The following MAN1A2 variants were observed in gnomAD, a reference collection of about 807,000 sequenced individuals.
MAN1A2 encodes mannosidase alpha class 1A member 2.
Under a neutral mutation model 75.7 loss-of-function variants are expected in MAN1A2, and 26 were observed. That is an observed-to-expected ratio of 0.34 (90% CI 0.25 to 0.48). The LOEUF (loss-of-function observed/expected upper bound fraction) is 0.48. Ranked by LOEUF, MAN1A2 falls within the 20% of genes least tolerant of loss-of-function variation. MAN1A2 has a pLI of 0.99. For missense variants in MAN1A2, 562 were observed against 775.5 expected (o/e 0.72, Z 3.27); for synonymous variants, 247 against 264.6 (o/e 0.93, Z 0.65).
chr1:117,420,956 A>G (rs1648166956), intron 5 of MAN1A2, among the ~76,000 whole-genome samples: 1 of 152,102 alleles, frequency 6.6e-6, no homozygotes, highest in African/African-American at 2.4e-5. Flanking sequence ...GGGAAAATAA[A>G]CTAATAAGGA....
At chr1:117,458,506 T>TAGATAG (rs570600901) in intron 6 of MAN1A2, among the ~76,000 whole-genome samples, 2 of 100,828 alleles carry the variant, frequency 2.0e-5, no homozygotes, top group African/African-American at 7.9e-5. Context: ...TCTATATATA[T>TAGATAG]ATATAGATAT....
At chr1:117,420,241 A>C (rs1254225696) in intron 4 of MAN1A2, among the ~76,000 whole-genome samples, 2 of 152,040 alleles carry the variant, frequency 1.3e-5, no homozygotes, top group African/African-American at 4.8e-5. Flanking sequence ...TAGAATCATG[A>C]CCCAGAATTC....
At chr1:117,376,396 G>A (rs1315525219) in intron 1 of MAN1A2, among the ~76,000 whole-genome samples, 1 of 152,244 alleles carries the variant, frequency 6.6e-6, no homozygotes, top group Non-Finnish European at 1.5e-5. Context: ...TCACCCATGT[G>A]AGTGTGTGCT....
rs774068105 is a variant in MAN1A2 at position 117,460,600 on chromosome 1, T to G, written c.1062T>G (p.Thr354=). ...TCAGCTACTTGACAGGGGACCTGAC[T>G]TACTACAAAAAGGTTTGTTTTCTTG... The part of the protein sequence containing the change: ...IHLSYLTGDL[T]YYKKVMHIRK... Residue 354 remains threonine, a synonymous_variant, in exon 7 of 13, where the codon ACT becomes ACG. Coordinates refer to ENST00000356554, the MANE Select transcript of MAN1A2 (RefSeq NM_006699.5). The G allele has an allele frequency of 8.1e-6, 13 of 1,603,820 alleles. No individual in the cohort carries two copies. Among genetic ancestry groups the G allele is most frequent in the Non-Finnish European group, 1.7e-6 (2 of 1,176,548 alleles).
intron 6 of MAN1A2, among the ~76,000 whole-genome samples, chr1:117,451,299 C>T (rs932416335): frequency 6.6e-6 from 1 of 152,204 alleles, no homozygotes; most frequent in Admixed American, 6.5e-5. Context: ...TTTGGAATGG[C>T]TGTATTTACC....
At chr1:117,492,212 GA>G (rs1044829976) in intron 8 of MAN1A2, among the ~76,000 whole-genome samples, 2 of 152,066 alleles carry the variant, frequency 1.3e-5, no homozygotes, top group Non-Finnish European at 2.9e-5. Context: ...AATCAAACAG[GA>G]AGAATCAATC....
chr1:117,408,527 T>C (rs987526673), intron 3 of MAN1A2, among the ~76,000 whole-genome samples: 1 of 152,056 alleles, frequency 6.6e-6, no homozygotes, highest in African/African-American at 2.4e-5. Flanking sequence ...ATTTCTGACT[T>C]AACTGTGATT....
intron 12 of MAN1A2, among the ~76,000 whole-genome samples, chr1:117,512,750 T>TACACACACACACACACACACACACAC (rs3050979): frequency 3.1e-4 from 45 of 143,850 alleles, no homozygotes; most frequent in Admixed American, 2.0e-3. Context: ...GGCACTGGGA[T>TACACACACACACACACACACACACAC]ACACACACAC....
chr1:117,467,663 G>A (rs1453866159), intron 8 of MAN1A2, among the ~76,000 whole-genome samples: 1 of 152,066 alleles, frequency 6.6e-6, no homozygotes, highest in African/African-American at 2.4e-5. Context: ...CCTGAGAGCT[G>A]CATTTCTAAA....
intron 6 of MAN1A2, among the ~76,000 whole-genome samples, chr1:117,450,248 C>A (rs1351669453): frequency 6.6e-6 from 1 of 152,184 alleles, no homozygotes; most frequent in Non-Finnish European, 1.5e-5. Context: ...AGCAAAGAGA[C>A]TGGTGGCATT....
At chr1:117,470,430 C>T (rs2101846910) in intron 8 of MAN1A2, among the ~76,000 whole-genome samples, 1 of 151,796 alleles carries the variant, frequency 6.6e-6, no homozygotes, top group South Asian at 2.1e-4. Flanking sequence ...ATAATTAATG[C>T]TGCTGAATGG....
At chr1:117,465,714 A>G (rs1649960110) in intron 7 of MAN1A2, among the ~76,000 whole-genome samples, 4 of 152,070 alleles carry the variant, frequency 2.6e-5, no homozygotes, top group Admixed American at 2.6e-4. Context: ...CACCTAATCT[A>G]TAGTTGAATC....
At chr1:117,431,252 A>T (rs1426411748) in intron 5 of MAN1A2, among the ~76,000 whole-genome samples, 5 of 141,102 alleles carry the variant, frequency 3.5e-5, no homozygotes, top group Non-Finnish European at 7.6e-5. Context: ...TCATAATGAA[A>T]AAAAGGATCC....
chr1:117,499,370 G>C lies in MAN1A2; in HGVS notation c.1505-12G>C. On this transcript the variant is annotated splice_polypyrimidine_tract_variant and intron_variant, in intron 10 of 12. Transcript: ENST00000356554. The stretch of plus-strand genomic sequence containing the variant: ...TTTATTTTGCTCAGTTATTTCTTTT[G>C]TCATGTTACAGCATTAAAGCTAGGT... 1 of 1,532,132 alleles carries C rather than the reference G, an allele frequency of 6.5e-7. No individual in the cohort carries two copies. Among genetic ancestry groups the C allele is most frequent in the Non-Finnish European group, 8.8e-7 (1 of 1,141,134 alleles). The allele number at this position is 1,532,132 out of a possible 1,614,324, so 94.9% of individuals were successfully genotyped here.
chr1:117,518,191 G>C (rs1651769868), intron 12 of MAN1A2, among the ~76,000 whole-genome samples: 1 of 151,822 alleles, frequency 6.6e-6, no homozygotes, highest in Non-Finnish European at 1.5e-5. Context: ...TAATTTAAAA[G>C]AACTCAAAAA....
intron 1 of MAN1A2, among the ~76,000 whole-genome samples, chr1:117,371,664 G>GCATCACTAAGAAAT (rs1365653841): frequency 1.4e-4 from 21 of 152,292 alleles, no homozygotes; most frequent in South Asian, 8.3e-4. Flanking sequence ...GTTAAGTATG[G>GCATCACTAAGAAAT]CTGTTGCAGA....
intron 11 of MAN1A2, among the ~76,000 whole-genome samples, chr1:117,500,888 A>G (rs1014535966): frequency 6.6e-6 from 1 of 151,828 alleles, no homozygotes; most frequent in African/African-American, 2.4e-5. Flanking sequence ...CCGTAAATTA[A>G]GCACTCTTTC....
chr1:117,402,497 A>AT, intron 2 of MAN1A2, 56 bp downstream of exon 2: 2 of 1,445,858 alleles, frequency 1.4e-6, no homozygotes, highest in Non-Finnish European at 9.4e-7. Flanking sequence ...TTGGATACAA[A>AT]CAAATATATA....
chr1:117,377,582 C>G (rs573920368), intron 1 of MAN1A2, among the ~76,000 whole-genome samples: 1 of 152,260 alleles, frequency 6.6e-6, no homozygotes, highest in Non-Finnish European at 1.5e-5. Context: ...TCCCCTGAAG[C>G]TATAACATGA....
Sources: allele counts gnomAD v4.1 joint callset (sites outside exome capture counted in the v4.1 genomes callset), GRCh38; gene constraint gnomAD v4.1.1; transcripts MANE v1.5; gene names NCBI Gene and HGNC (gene_info 2026-07-23, HGNC 2026-07-21).